Variants in ELFN2 observed in about 807,000 individuals in gnomAD.
ELFN2 encodes the protein protein phosphatase 1 regulatory subunit 29.
Under a neutral mutation model 45.5 loss-of-function variants are expected in ELFN2, and 17 were observed. The ratio of observed to expected loss-of-function variants is 0.37; its 90% CI spans 0.26 to 0.56. The LOEUF (loss-of-function observed/expected upper bound fraction) is 0.56. Ranked by LOEUF, ELFN2 falls within the 20% of genes least tolerant of loss-of-function variation. The pLI, the probability that ELFN2 is intolerant of heterozygous loss-of-function variation, is 0.77. For missense variants in ELFN2, 922 were observed against 1,183.2 expected, an observed-to-expected ratio of 0.78 and a Z score of 3.24; for synonymous variants, 550 against 551.5, an observed-to-expected ratio of 1.00 and a Z score of 0.04.
chr22:37,416,327 G>T (rs1932759330), intron 2 of ELFN2, among the ~76,000 whole-genome samples: 1 of 152,212 alleles, frequency 6.6e-6, no homozygotes, highest in Non-Finnish European at 1.5e-5. Context: ...CAGGGAGGGA[G>T]ATGCTCCCCA....
chr22:37,373,917 C>T lies in ELFN2; in HGVS notation c.1618G>A (p.Glu540Lys). ...ATGATCTGGTTGACCTTGTCCACCT[C>T]CTTGGCAATGGTGGAGATCTCTGCA... ...SAAEISTIAK[E>K]VDKVNQIINN... is the part of the protein sequence containing the mutation. The change falls in exon 3 of 3, where the codon GAG (glutamate) becomes AAG (lysine). Residue 540 changes from glutamate to lysine, a missense_variant. Physicochemically the swap from Glu to Lys is moderately conservative, Grantham distance 56 (BLOSUM62 1). Transcript: ENST00000402918. 6.2e-7 allele frequency: 1 copy of T among 1,613,414 alleles called. No individual in the cohort carries two copies. Among genetic ancestry groups the T allele is most frequent in the Non-Finnish European group, 8.5e-7 (1 of 1,179,986 alleles).
chr22:37,409,353 G>C (rs1164576685), intron 2 of ELFN2, among the ~76,000 whole-genome samples: 1 of 152,202 alleles, frequency 6.6e-6, no homozygotes, highest in Non-Finnish European at 1.5e-5. Context: ...GATGCAGCAG[G>C]TGGAGAACAG....
chr22:37,425,149 C>G (rs1932838546), intron 1 of ELFN2, among the ~76,000 whole-genome samples: 1 of 152,244 alleles, frequency 6.6e-6, no homozygotes, highest in Non-Finnish European at 1.5e-5. Context: ...CACTGACACA[C>G]TCACTCATTA....
At chr22:37,348,882 A>C (rs892047211) in intron 1 of ELFN2, among the ~76,000 whole-genome samples, 1 of 150,768 alleles carries the variant, frequency 6.6e-6, no homozygotes, top group Non-Finnish European at 1.5e-5. Context: ...AGGTGGCATC[A>C]TGGGAGGCTT....
chr22:37,349,213 T>C (rs1180843894), intron 1 of ELFN2, among the ~76,000 whole-genome samples: 2 of 151,166 alleles, frequency 1.3e-5, no homozygotes, highest in Admixed American at 6.6e-5. Flanking sequence ...CACTTAGCTG[T>C]CGTGCAGTCC....
Position 37,413,642 on chromosome 22 carries a change from A to T in ELFN2, c.-463+4127T>A, listed in dbSNP as rs1158617148. On this transcript the variant is annotated intron_variant, in intron 2 of 2. Transcript: ENST00000402918. ...AGGAGGCCTCAGAGCTAAGCCTGCA[A>T]ATCTAAGCTCAAAGCCCACTGCCTC... Among the ~76,000 whole-genome samples the T allele has an allele frequency of 7.9e-5, 12 of 152,140 alleles. 1 individual carries two copies. Among genetic ancestry groups the T allele is most frequent in the Admixed American group, 7.9e-4 (12 of 15,270 alleles).
At chr22:37,391,432 G>A (rs1932084150) in intron 2 of ELFN2, among the ~76,000 whole-genome samples, 1 of 152,150 alleles carries the variant, frequency 6.6e-6, no homozygotes, top group South Asian at 2.1e-4. Flanking sequence ...CCATGACACA[G>A]GCCCAGGAAC....
chr22:37,385,057 C>G (rs1334209898), intron 2 of ELFN2: 1 of 152,274 alleles, frequency 6.6e-6, no homozygotes, highest in Non-Finnish European at 1.5e-5. Context: ...CCTCCAGTAC[C>G]CTCAGGGCTG....
At chr22:37,400,733 A>G (rs1447747161) in intron 2 of ELFN2, among the ~76,000 whole-genome samples, 2 of 152,214 alleles carry the variant, frequency 1.3e-5, no homozygotes, top group African/African-American at 4.8e-5. Flanking sequence ...GGAGTTCAAG[A>G]GTTTCCTTGA....
At chr22:37,390,617 G>T (rs1421226045) in intron 2 of ELFN2, among the ~76,000 whole-genome samples, 1 of 152,172 alleles carries the variant, frequency 6.6e-6, no homozygotes, top group East Asian at 1.9e-4. Context: ...AGCTGCAAAG[G>T]CCTGGGCAGG....
intron 2 of ELFN2, among the ~76,000 whole-genome samples, chr22:37,412,481 C>A (rs1048446393): frequency 5.9e-5 from 9 of 152,028 alleles, no homozygotes; most frequent in African/African-American, 1.9e-4. Context: ...CACACAGCCC[C>A]CTACCTGATT....
At chr22:37,419,550 C>G (rs1235804210) in intron 1 of ELFN2, among the ~76,000 whole-genome samples, 1 of 152,114 alleles carries the variant, frequency 6.6e-6, no homozygotes, top group East Asian at 1.9e-4. Context: ...TGCCAAAATG[C>G]ATGCGGCCAC....
rs181118924 is a variant in ELFN2 at position 37,388,483 on chromosome 22, G to A, written c.-462-12487C>T. On this transcript the variant is annotated intron_variant, in intron 2 of 2. Transcript: ENST00000402918. Reference sequence around the variant, plus strand: ...CAGCTCGCCGCCCTCATATAGATAAGGAAATCGAGGCTCCAAGTAATTCAT... The same window carrying A: ...CAGCTCGCCGCCCTCATATAGATAAAGAAATCGAGGCTCCAAGTAATTCAT... 4.0e-3 allele frequency among the ~76,000 whole-genome samples: 614 copies of A among 152,324 alleles called. 1 individual carries two copies. Among genetic ancestry groups the A allele is most frequent in the African/African-American group, 0.014 (591 of 41,566 alleles).
intron 1 of ELFN2, among the ~76,000 whole-genome samples, chr22:37,343,717 C>A (rs1241483374): frequency 1.3e-5 from 2 of 150,580 alleles, no homozygotes; most frequent in South Asian, 2.1e-4. Context: ...ACCCACCCCC[C>A]CCGGACCCCA....
chr22:37,387,191 T>A (rs766589973), intron 2 of ELFN2, among the ~76,000 whole-genome samples: 49 of 152,244 alleles, frequency 3.2e-4, no homozygotes, highest in Admixed American at 2.0e-4. Flanking sequence ...CCCTGTCCCC[T>A]CTCTGATGTC....
chr22:37,421,364 C>T (rs1402273268), intron 1 of ELFN2, among the ~76,000 whole-genome samples: 1 of 152,228 alleles, frequency 6.6e-6, no homozygotes, highest in African/African-American at 2.4e-5. Flanking sequence ...GGTGCATAAT[C>T]GAGAGAATTC....
intron 2 of ELFN2, among the ~76,000 whole-genome samples, chr22:37,411,188 C>T (rs1209516135): frequency 6.6e-6 from 1 of 152,196 alleles, no homozygotes; most frequent in African/African-American, 2.4e-5. Context: ...TGGGAACTGA[C>T]AGCTGGGCCC....
At chr22:37,355,364 T>C (rs1349959996) in intron 1 of ELFN2, among the ~76,000 whole-genome samples, 1 of 152,174 alleles carries the variant, frequency 6.6e-6, no homozygotes, top group African/African-American at 2.4e-5. Flanking sequence ...CGAGGCCACC[T>C]GCGGGCCCTC....
At chr22:37,400,870 T>C (rs1440546374) in intron 2 of ELFN2, among the ~76,000 whole-genome samples, 4 of 152,214 alleles carry the variant, frequency 2.6e-5, no homozygotes, top group African/African-American at 9.7e-5. Context: ...CATAAATCAC[T>C]ACACACCTGG....
Sources: gnomAD v4.1 joint callset for allele counts (sites outside exome capture counted in the v4.1 genomes callset) on GRCh38, gnomAD v4.1.1 for gene constraint, MANE v1.5 for transcripts, NCBI Gene and HGNC (gene_info 2026-07-23, HGNC 2026-07-21) for gene names.